Variants in PLD5 observed in about 807,000 individuals in gnomAD.
The protein encoded by PLD5 is inactive phospholipase D5.
In PLD5, 36 loss-of-function variants were observed where a neutral mutation model predicts 61.1. That is an observed-to-expected ratio of 0.59 (90% CI 0.45 to 0.78). The LOEUF is 0.78. Among genes scored for constraint, PLD5 ranks in the 30% least tolerant of loss-of-function variants. The pLI is 0.00. For synonymous variants in PLD5, 243 were observed against 242.8 expected (o/e 1.00, Z -0.01); for missense variants, 515 against 644.4 (o/e 0.80, Z 2.17).
At chr1:242,299,955 G>A (rs1675931119) in intron 2 of PLD5, among the ~76,000 whole-genome samples, 4 of 152,184 alleles carry the variant, frequency 2.6e-5, no homozygotes, top group Non-Finnish European at 4.4e-5. Context: ...AGGAAACAAC[G>A]AATACATAAG....
chr1:242,191,218 A>G (rs1427002235), intron 5 of PLD5, among the ~76,000 whole-genome samples: 2 of 152,008 alleles, frequency 1.3e-5, no homozygotes, highest in African/African-American at 4.8e-5. Context: ...ATAGTTTTAG[A>G]AACTACATTG....
chr1:242,466,824 C>T (rs1012476276), intron 1 of PLD5, among the ~76,000 whole-genome samples: 2 of 151,320 alleles, frequency 1.3e-5, no homozygotes, highest in South Asian at 2.1e-4. Flanking sequence ...ACCCAGGAGG[C>T]GGAAGTTGCA....
chr1:242,122,120 A>C (rs145480686), intron 6 of PLD5, among the ~76,000 whole-genome samples: 82 of 152,354 alleles, frequency 5.4e-4, no homozygotes, highest in African/African-American at 1.9e-3. Flanking sequence ...TACACAGTTT[A>C]AAAAACTACC....
intron 7 of PLD5, among the ~76,000 whole-genome samples, 165 bp downstream of exon 7, chr1:242,113,725 C>T (rs1030549869): frequency 6.6e-6 from 1 of 152,132 alleles, no homozygotes; most frequent in African/African-American, 2.4e-5. Context: ...GGAAAAGCTC[C>T]GTAATGAGTA....
chr1:242,304,434 A>G (rs2149164930), intron 2 of PLD5, among the ~76,000 whole-genome samples: 1 of 152,324 alleles, frequency 6.6e-6, no homozygotes, highest in South Asian at 2.1e-4. Context: ...GTATCTTTTC[A>G]CAGTCTGAAT....
intron 5 of PLD5, among the ~76,000 whole-genome samples, chr1:242,136,727 A>G (rs1663759516): frequency 6.6e-6 from 1 of 152,188 alleles, no homozygotes; most frequent in South Asian, 2.1e-4. Flanking sequence ...ATGCTTTAGA[A>G]AGTGTCAATA....
At chr1:242,485,721 G>T (rs1188065762) in intron 1 of PLD5, among the ~76,000 whole-genome samples, 1 of 152,112 alleles carries the variant, frequency 6.6e-6, no homozygotes, top group African/African-American at 2.4e-5. Context: ...TTACTTTAAA[G>T]TTCATATGGA....
intron 5 of PLD5, among the ~76,000 whole-genome samples, chr1:242,153,587 C>T (rs1665110984): frequency 1.3e-5 from 2 of 152,094 alleles, no homozygotes; most frequent in African/African-American, 2.4e-5. Context: ...CCAGTTTTCC[C>T]AGCACCATTT....
intron 8 of PLD5, among the ~76,000 whole-genome samples, chr1:242,103,315 G>T (rs1042145858): frequency 6.6e-6 from 1 of 152,140 alleles, no homozygotes. Flanking sequence ...ACTGTCCTGG[G>T]TTCTGCCCTG....
chr1:242,310,805 G>C (rs1018891967), intron 2 of PLD5, among the ~76,000 whole-genome samples: 7 of 152,122 alleles, frequency 4.6e-5, no homozygotes, highest in African/African-American at 1.4e-4. Context: ...TTAATCCCTA[G>C]TTAAATAGGG....
At chr1:242,364,129 C>A (rs1459445609) in intron 1 of PLD5, among the ~76,000 whole-genome samples, 1 of 151,766 alleles carries the variant, frequency 6.6e-6, no homozygotes, top group African/African-American at 2.4e-5. Context: ...ACTTAATGAC[C>A]TAATGAGAGC....
At chr1:242,512,353 G>A (rs1003003738) in intron 1 of PLD5, among the ~76,000 whole-genome samples, 1 of 150,566 alleles carries the variant, frequency 6.6e-6, no homozygotes, top group South Asian at 2.1e-4. Flanking sequence ...CTGAGAGGCA[G>A]AGCTTGCAGT....
intron 1 of PLD5, among the ~76,000 whole-genome samples, chr1:242,463,827 A>G (rs1667194851): frequency 6.6e-6 from 1 of 152,042 alleles, no homozygotes; most frequent in African/African-American, 2.4e-5. Context: ...CATACAGAAT[A>G]CTATTATTTT....
At chr1:242,389,630 C>T (rs149757568) in intron 1 of PLD5, among the ~76,000 whole-genome samples, 33 of 151,804 alleles carry the variant, frequency 2.2e-4, no homozygotes, top group Non-Finnish European at 4.4e-4. Flanking sequence ...AATAAATATG[C>T]CACTTAGAAT....
At chr1:242,360,133 G>A (rs751863421) in intron 1 of PLD5, among the ~76,000 whole-genome samples, 2 of 151,990 alleles carry the variant, frequency 1.3e-5, no homozygotes, top group African/African-American at 4.8e-5. Context: ...ACATTGCTGG[G>A]CCCCAAGTAT....
chr1:242,233,154 A>AAATGAATGAATGAATGAATGAATGAATG (rs55916345), intron 4 of PLD5, among the ~76,000 whole-genome samples: 2 of 149,962 alleles, frequency 1.3e-5, no homozygotes, highest in South Asian at 2.1e-4. Context: ...ATTCTGACTC[A>AAATGAATGAATGAATGAATGAATGAATG]AATGAATGAA....
intron 5 of PLD5, among the ~76,000 whole-genome samples, chr1:242,143,016 C>T (rs572876266): frequency 2.0e-5 from 3 of 151,078 alleles, no homozygotes; most frequent in Non-Finnish European, 4.4e-5. Flanking sequence ...CCGTGCCTGG[C>T]CTCTTTTTTT....
At chr1:242,253,305 CTTTTTTTTTTTTT>C (rs1181235404) in intron 4 of PLD5, among the ~76,000 whole-genome samples, 1 of 70,680 alleles carries the variant, frequency 1.4e-5, no homozygotes, top group Non-Finnish European at 2.6e-5. Context: ...CCTCTCTTCA[CTTTTTTTTTTTTT>C]TTTTTTTTTT....
chr1:242,299,025 G>GA (rs142086967), intron 2 of PLD5, among the ~76,000 whole-genome samples: 9,645 of 141,352 alleles, frequency 0.068, 304 homozygotes, highest in Middle Eastern at 0.12. Flanking sequence ...CAGGTGATTG[G>GA]AAAAAAAAAA....
Sources: gnomAD v4.1 joint callset for allele counts (sites outside exome capture counted in the v4.1 genomes callset) on GRCh38, gnomAD v4.1.1 for gene constraint, MANE v1.5 for transcripts, NCBI Gene and HGNC (gene_info 2026-07-23, HGNC 2026-07-21) for gene names.